The following FAM204A variants were observed in gnomAD, a reference collection of about 807,000 sequenced individuals.
The protein encoded by FAM204A is protein FAM204A.
Under a neutral mutation model 35.4 loss-of-function variants are expected in FAM204A, and 16 were observed. The observed-to-expected ratio is 0.45, with a 90% confidence interval of 0.31 to 0.69. The LOEUF (loss-of-function observed/expected upper bound fraction) is 0.69, where lower values mean the gene tolerates loss of function less well. Among genes scored for constraint, FAM204A ranks in the 30% least tolerant of loss-of-function variants. The probability of loss-of-function intolerance (pLI) is 0.07; values close to 1 mark genes in which losing one functional copy is unlikely to be tolerated. For missense variants in FAM204A, 240 were observed against 265.7 expected, an observed-to-expected ratio of 0.90 and a Z score of 0.67; for synonymous variants, 76 against 86.9, an observed-to-expected ratio of 0.88 and a Z score of 0.70.
intron 6 of FAM204A, among the ~76,000 whole-genome samples, chr10:118,328,954 C>G (rs61623425): frequency 0.016 from 2,495 of 152,266 alleles, 61 homozygotes; most frequent in African/African-American, 0.057. Flanking sequence ...GTTTAGCTCT[C>G]TAAATAATTA....
intron 7 of FAM204A, among the ~76,000 whole-genome samples, chr10:118,315,747 T>C (rs1236209220): frequency 6.6e-6 from 1 of 152,136 alleles, no homozygotes; most frequent in Non-Finnish European, 1.5e-5. Flanking sequence ...CTCCAATGTC[T>C]GATTAATCAA....
rs1845838978 is a variant in FAM204A at position 118,304,294 on chromosome 10, C to G, written c.*6563G>C. On this transcript the variant is annotated 3_prime_UTR_variant, in exon 9 of 9. Transcript: ENST00000369183. ...GCATTCCACAGGTACCATGACACAA[C>G]AAGTATAAATATGACCTACTTTACT... 6.6e-6 allele frequency: 1 copy of G among 152,132 alleles called. No homozygotes were observed. Among genetic ancestry groups the G allele is most frequent in the African/African-American group, 2.4e-5 (1 of 41,390 alleles). 9.4% of individuals were successfully genotyped at this position (152,132 alleles called of 1,614,324 possible).
At chr10:118,326,819 T>A (rs1211450217) in intron 6 of FAM204A, among the ~76,000 whole-genome samples, 1 of 152,158 alleles carries the variant, frequency 6.6e-6, no homozygotes, top group African/African-American at 2.4e-5. Flanking sequence ...TTTCAGTCAA[T>A]AGCCTCCACA....
At chr10:118,315,634 T>C (rs1237157331) in intron 7 of FAM204A, among the ~76,000 whole-genome samples, 1 of 152,148 alleles carries the variant, frequency 6.6e-6, no homozygotes, top group Non-Finnish European at 1.5e-5. Flanking sequence ...CTTTAATTTT[T>C]ATATCAGTTT....
rs903050237 is a variant in FAM204A, at chr10:118,308,047, T to C, written c.*2810A>G. On this transcript the variant is annotated 3_prime_UTR_variant, in exon 9 of 9. Transcript: ENST00000369183. Reference sequence around the variant, plus strand: ...TCCTTTCGGTGAAAGACATAGAATGTTCTGCTGAAAATCAGAAACATCCTG... The same window carrying C: ...TCCTTTCGGTGAAAGACATAGAATGCTCTGCTGAAAATCAGAAACATCCTG... The C allele has an allele frequency of 3.3e-5, 5 of 152,230 alleles. No homozygotes were observed. The highest frequency in any genetic ancestry group is 4.8e-5 in the African/African-American group (2 of 41,462). 9.4% of individuals were successfully genotyped at this position (152,230 alleles called of 1,614,324 possible).
chr10:118,342,050 G>A (rs1489206053), intron 1 of FAM204A, 123 bp from the exon 2 acceptor site: 1 of 152,354 alleles, frequency 6.6e-6, no homozygotes, highest in Non-Finnish European at 1.5e-5. Context: ...AGGCTGGGGA[G>A]GCCGCTGCGA....
chr10:118,340,613 A>G (rs236196), intron 2 of FAM204A, among the ~76,000 whole-genome samples: 3,030 of 152,316 alleles, frequency 0.02, 36 homozygotes, highest in South Asian at 0.069. Context: ...CAACTCAGCC[A>G]AGAGGATGTT....
At chr10:118,311,782 G>A (rs1392583442) in intron 7 of FAM204A, among the ~76,000 whole-genome samples, 2 of 152,146 alleles carry the variant, frequency 1.3e-5, no homozygotes, top group Non-Finnish European at 2.9e-5. Context: ...AATAAAACAT[G>A]GGAAAGCTAA....
At chr10:118,341,308 G>A (rs775319922) in intron 2 of FAM204A, among the ~76,000 whole-genome samples, 1 of 152,020 alleles carries the variant, frequency 6.6e-6, no homozygotes, top group African/African-American at 2.4e-5. Flanking sequence ...CCTGAACTTC[G>A]TCTGATCTAA....
At chr10:118,311,026 T>C (rs1589718185) in intron 8 of FAM204A, 118 bp from the exon 9 acceptor site, 2 of 1,085,650 alleles carry the variant, frequency 1.8e-6, no homozygotes, top group Non-Finnish European at 2.7e-6. Flanking sequence ...ACTCCAATGA[T>C]TACAAAATAA....
chr10:118,323,711 T>G (rs1589724489), intron 7 of FAM204A, among the ~76,000 whole-genome samples: 1 of 152,154 alleles, frequency 6.6e-6, no homozygotes, highest in Non-Finnish European at 1.5e-5. Context: ...ATTTTCATGG[T>G]CAAGTCTCCA....
chr10:118,336,837 G>T (rs996448945), intron 2 of FAM204A, among the ~76,000 whole-genome samples: 4 of 152,152 alleles, frequency 2.6e-5, no homozygotes, highest in African/African-American at 9.7e-5. Flanking sequence ...ATACCAATTA[G>T]AGAATAAAAC....
intron 7 of FAM204A, among the ~76,000 whole-genome samples, chr10:118,315,941 G>C (rs1784745424): frequency 6.6e-6 from 1 of 152,104 alleles, no homozygotes; most frequent in South Asian, 2.1e-4. Context: ...TTTGAGGCTT[G>C]AACAAAATTA....
chr10:118,311,337 A>AG, intron 7 of FAM204A, 24 bp from the exon 8 acceptor site: 1 of 1,547,946 alleles, frequency 6.5e-7, no homozygotes, highest in Admixed American at 2.1e-5. Flanking sequence ...AGGAGAAAAA[A>AG]AAAGTGAAAA....
rs757748406 is a variant in FAM204A, at chr10:118,335,566, G to A, written c.310C>T (p.Arg104Cys). Residue 104 changes from arginine to cysteine, a missense_variant, in exon 4 of 9, where the codon CGC (arginine) becomes TGC (cysteine). Physicochemically the swap from Arg to Cys is radical, Grantham distance 180. Transcript: ENST00000369183. ...TSRFRGKRRK[R>C]SRKDKLKNEK... ...TAAAACAAAACACCTTTTCTGGAGC[G>A]TTTTCTTCTTTTCCCTCTGAATCTT... 1.7e-5 allele frequency: 27 copies of A among 1,611,170 alleles called. 1 individual carries two copies. In the Admixed American group the frequency reaches 2.4e-4, roughly 14 times the overall value.
At chr10:118,327,179 C>T (rs1652909007) in intron 6 of FAM204A, among the ~76,000 whole-genome samples, 1 of 152,174 alleles carries the variant, frequency 6.6e-6, no homozygotes, top group African/African-American at 2.4e-5. Flanking sequence ...CTACCTCTTA[C>T]AGACTTCTCC....
chr10:118,326,145 T>C lies in FAM204A; in HGVS notation c.543+9A>G. On this transcript the variant is annotated intron_variant, in intron 7 of 8. Transcript: ENST00000369183. Reference sequence around the variant, plus strand: ...AAAATACAGAAAATGTGTAACCCTTTTGACTCACCTCTCGAGTAGCTAGCT... The same window carrying C: ...AAAATACAGAAAATGTGTAACCCTTCTGACTCACCTCTCGAGTAGCTAGCT... 2 of 1,609,644 alleles carry C rather than the reference T, an allele frequency of 1.2e-6. No homozygotes were observed. Among genetic ancestry groups the C allele is most frequent in the Non-Finnish European group, 1.7e-6 (2 of 1,177,240 alleles).
chr10:118,325,693 A>G (rs1846187546), intron 7 of FAM204A, among the ~76,000 whole-genome samples: 1 of 152,168 alleles, frequency 6.6e-6, no homozygotes, highest in African/African-American at 2.4e-5. Context: ...TACTATAGAA[A>G]AAAAGAAAAA....
At chr10:118,317,903 G>A (rs1206167420) in intron 7 of FAM204A, among the ~76,000 whole-genome samples, 1 of 151,972 alleles carries the variant, frequency 6.6e-6, no homozygotes, top group Admixed American at 6.6e-5. Flanking sequence ...GATGACCAAA[G>A]TTAATGAATG....
Sources: gnomAD v4.1 joint callset for allele counts (sites outside exome capture counted in the v4.1 genomes callset) on GRCh38, gnomAD v4.1.1 for gene constraint, MANE v1.5 for transcripts, NCBI Gene and HGNC (gene_info 2026-07-23, HGNC 2026-07-21) for gene names.